Variants in RAB38 observed in about 807,000 individuals in gnomAD.
The protein encoded by RAB38 is RAB38, member RAS oncogene family.
Under a neutral mutation model 18.4 loss-of-function variants are expected in RAB38, and 15 were observed. That is an observed-to-expected ratio of 0.82 (90% CI 0.55 to 1.26). The LOEUF (loss-of-function observed/expected upper bound fraction) is 1.26, where lower values mean the gene tolerates loss of function less well. Ranked by LOEUF, RAB38 falls within the 50% of genes most tolerant of loss-of-function variation. The pLI, the probability that RAB38 is intolerant of heterozygous loss-of-function variation, is 0.00. For missense variants in RAB38, 294 were observed against 267.4 expected (o/e 1.10, Z -0.69); for synonymous variants, 101 against 104.4 (o/e 0.97, Z 0.20).
chr11:88,149,922 T>C lies in RAB38; in HGVS notation c.236A>G (p.Tyr79Cys), dbSNP rs373661702. 17 of 1,613,774 alleles carry C rather than the reference T, an allele frequency of 1.1e-5. No homozygotes were observed. The highest frequency in any genetic ancestry group is 3.3e-5 in the Admixed American group (2 of 59,980). Residue 79 changes from tyrosine (Y) to cysteine (C), a missense_variant, in exon 2 of 3, where the codon TAT becomes TGT. Transcript: ENST00000243662. ...AAATGCACCCATAGCTTCTCGGTAA[T>C]AGACCCTCGTCATGTTTCCAAATCT... ...QERFGNMTRV[Y>C]YREAMGAFIV...
At chr11:88,094,090 C>T in the RAB38 span, among the ~76,000 whole-genome samples, 2,053 of 151,900 alleles carry the variant, frequency 0.014, 19 homozygotes, top group Non-Finnish European at 0.019. Context: ...TTGACAGCTC[C>T]ACTCCCCAAA....
the RAB38 span, among the ~76,000 whole-genome samples, chr11:87,822,285 T>A: frequency 6.6e-6 from 1 of 152,312 alleles, no homozygotes; most frequent in South Asian, 2.1e-4. Context: ...CAAAAAATTG[T>A]CAGAGTGGAT....
chr11:87,834,736 A>G, the RAB38 span, among the ~76,000 whole-genome samples: 22 of 152,344 alleles, frequency 1.4e-4, no homozygotes, highest in African/African-American at 5.0e-4. Context: ...TCCTGAGTTT[A>G]GAACATGCAT....
the RAB38 span, among the ~76,000 whole-genome samples, chr11:88,061,465 T>C: frequency 1.3e-5 from 2 of 152,204 alleles, no homozygotes; most frequent in African/African-American, 2.4e-5. Context: ...ATTAGACTGT[T>C]TACGTAACAT....
chr11:87,950,554 T>C, the RAB38 span, among the ~76,000 whole-genome samples: 18 of 152,348 alleles, frequency 1.2e-4, no homozygotes, highest in South Asian at 8.3e-4. Flanking sequence ...TAGTGCTTCC[T>C]TCAGGAGCTC....
the RAB38 span, among the ~76,000 whole-genome samples, chr11:88,006,623 T>A: frequency 2.1e-5 from 2 of 93,324 alleles, no homozygotes; most frequent in Non-Finnish European, 4.8e-5. Context: ...TATATGTATA[T>A]ATAATATATA....
chr11:87,870,203 A>C, the RAB38 span, among the ~76,000 whole-genome samples: 1 of 151,608 alleles, frequency 6.6e-6, no homozygotes, highest in Non-Finnish European at 1.5e-5. Flanking sequence ...TTTTATGAGC[A>C]CCTCATTAAA....
At position 88,164,260 on chromosome 11, in the gene RAB38, G is replaced by C. The variant is rs1048290027; in HGVS notation, c.202+10923C>G. 5.4e-5 allele frequency among the ~76,000 whole-genome samples: 7 copies of C among 128,642 alleles called. 1 individual carries two copies. Among genetic ancestry groups the C allele is most frequent in the Admixed American group, 1.6e-4 (2 of 12,756 alleles). 84.4% of individuals were successfully genotyped at this position (128,642 alleles called of 152,430 possible). On this transcript the variant is annotated intron_variant, in intron 1 of 2. Transcript: ENST00000243662. Reference sequence around the variant, plus strand: ...AAATATATGCCAAGGTGCTCTCGGTGGGGGGGGGTGCCATGGTGAACTCAC... The same window carrying C: ...AAATATATGCCAAGGTGCTCTCGGTCGGGGGGGGTGCCATGGTGAACTCAC...
the RAB38 span, among the ~76,000 whole-genome samples, chr11:87,953,973 G>T: frequency 3.0e-4 from 46 of 151,948 alleles, no homozygotes; most frequent in Non-Finnish European, 4.9e-4. Context: ...ATTTGAACAT[G>T]GAGGAAAGAC....
the RAB38 span, among the ~76,000 whole-genome samples, chr11:88,035,514 T>C: frequency 1.3e-5 from 2 of 152,202 alleles, no homozygotes; most frequent in Non-Finnish European, 2.9e-5. Flanking sequence ...ATAGGCCATC[T>C]GCCAGCTGAA....
chr11:88,151,404 A>G (rs1565217523), intron 1 of RAB38, among the ~76,000 whole-genome samples: 1 of 152,186 alleles, frequency 6.6e-6, no homozygotes, highest in Non-Finnish European at 1.5e-5. Flanking sequence ...ACAAAATCCT[A>G]CTACTTCTAA....
the RAB38 span, among the ~76,000 whole-genome samples, chr11:87,883,667 A>G: frequency 2.0e-5 from 3 of 151,926 alleles, no homozygotes; most frequent in African/African-American, 7.2e-5. Flanking sequence ...GCCCAACTTA[A>G]TCACTTGTAT....
chr11:87,850,884 T>C, the RAB38 span, among the ~76,000 whole-genome samples: 1 of 152,182 alleles, frequency 6.6e-6, no homozygotes, highest in Admixed American at 6.6e-5. Flanking sequence ...GCAGATCCCA[T>C]TGAATGGAAA....
the RAB38 span, among the ~76,000 whole-genome samples, chr11:88,052,202 GAA>G: frequency 6.6e-6 from 1 of 151,762 alleles, no homozygotes; most frequent in Non-Finnish European, 1.5e-5. Context: ...GAGAATAGAA[GAA>G]AGAGTCAGAA....
At chr11:87,845,136 A>G in the RAB38 span, among the ~76,000 whole-genome samples, 1 of 152,222 alleles carries the variant, frequency 6.6e-6, no homozygotes, top group South Asian at 2.1e-4. Flanking sequence ...CATCCTGCAG[A>G]TTGTAATAGA....
At chr11:87,916,996 A>G in the RAB38 span, among the ~76,000 whole-genome samples, 2 of 152,114 alleles carry the variant, frequency 1.3e-5, no homozygotes, top group African/African-American at 4.8e-5. Flanking sequence ...CACAGGATCA[A>G]TGGGAAGTGG....
At chr11:87,855,757 C>A in the RAB38 span, among the ~76,000 whole-genome samples, 1 of 152,070 alleles carries the variant, frequency 6.6e-6, no homozygotes, top group Admixed American at 6.6e-5. Context: ...ATATCCTATG[C>A]CTTCCAATTG....
the RAB38 span, among the ~76,000 whole-genome samples, chr11:88,024,739 G>A: frequency 6.6e-6 from 1 of 152,028 alleles, no homozygotes; most frequent in African/African-American, 2.4e-5. Flanking sequence ...GGAAAGAACT[G>A]GATGAAATAA....
the RAB38 span, chr11:87,815,262 A>C: frequency 6.6e-6 from 1 of 152,178 alleles, no homozygotes; most frequent in South Asian, 2.1e-4. Flanking sequence ...GATAACTGTT[A>C]AGATGAGAAT....
Sources: gnomAD v4.1 joint callset for allele counts (sites outside exome capture counted in the v4.1 genomes callset) on GRCh38, gnomAD v4.1.1 for gene constraint, MANE v1.5 for transcripts, NCBI Gene and HGNC (gene_info 2026-07-23, HGNC 2026-07-21) for gene names.